Variants in UNC13C observed in about 807,000 individuals in gnomAD.
The protein encoded by UNC13C is unc-13 homolog C.
UNC13C carries 174 observed loss-of-function variants against 245.4 expected under a neutral mutation model. The observed-to-expected ratio is 0.71, with a 90% confidence interval of 0.63 to 0.80. UNC13C has a LOEUF of 0.80. Ranked by LOEUF, UNC13C falls within the 30% of genes least tolerant of loss-of-function variation. The probability of loss-of-function intolerance (pLI) is 0.00; values close to 1 mark genes in which losing one functional copy is unlikely to be tolerated. For missense variants in UNC13C, 2,829 were observed against 2,602.9 expected (o/e 1.09, Z -1.89); for synonymous variants, 992 against 895.1 (o/e 1.11, Z -1.93).
intron 19 of UNC13C, among the ~76,000 whole-genome samples, chr15:54,417,334 A>T (rs1055254365): frequency 1.1e-4 from 16 of 152,102 alleles, no homozygotes; most frequent in African/African-American, 3.4e-4. Context: ...GACCTTGGGA[A>T]CATTCCAAGA....
At chr15:54,375,280 C>T (rs947630597) in intron 17 of UNC13C, among the ~76,000 whole-genome samples, 11 of 152,190 alleles carry the variant, frequency 7.2e-5, no homozygotes, top group African/African-American at 2.4e-4. Context: ...ATCTACCTTG[C>T]AGAAAATAAA....
intron 4 of UNC13C, among the ~76,000 whole-genome samples, chr15:54,183,646 G>A (rs943942424): frequency 1.5e-4 from 22 of 151,212 alleles, no homozygotes; most frequent in Non-Finnish European, 1.3e-4. Context: ...ATGGATTATC[G>A]AAACGATTTT....
chr15:54,458,696 T>C lies in UNC13C; in HGVS notation c.4934-35912T>C, dbSNP rs1182827775. On this transcript the variant is annotated intron_variant, in intron 19 of 32. Coordinates refer to ENST00000260323, the MANE Select transcript of UNC13C (RefSeq NM_001080534.3). ...CTTTAAGGTCTTTTTTTTTTTTTTTTTTTTTTTAAGGGAATAGCTACTCCT... is the reference window on the plus strand; with the variant it reads ...CTTTAAGGTCTTTTTTTTTTTTTTTCTTTTTTTAAGGGAATAGCTACTCCT... Among the ~76,000 whole-genome samples, 844 of 146,850 alleles carry C rather than the reference T, an allele frequency of 5.7e-3. 15 individuals are homozygous for C. Among genetic ancestry groups the C allele is most frequent in the African/African-American group, 0.02 (797 of 40,018 alleles).
chr15:54,344,881 A>G (rs868470795), intron 17 of UNC13C, among the ~76,000 whole-genome samples: 3 of 152,324 alleles, frequency 2.0e-5, no homozygotes, highest in Middle Eastern at 3.4e-3. Context: ...TTGGATTACT[A>G]CATAACTTCC....
intron 30 of UNC13C, 70 bp from the exon 31 acceptor site, chr15:54,622,257 G>T: frequency 1.0e-6 from 1 of 986,200 alleles, no homozygotes; most frequent in Non-Finnish European, 1.6e-6. Context: ...TGTTTTTTAT[G>T]CATAGAATGA....
At chr15:54,462,456 G>A (rs1199151840) in intron 19 of UNC13C, among the ~76,000 whole-genome samples, 2 of 152,152 alleles carry the variant, frequency 1.3e-5, no homozygotes, top group Non-Finnish European at 2.9e-5. Flanking sequence ...GGTGTGGAGG[G>A]AGAGGTGCAG....
chr15:54,527,281 GGT>G (rs1895511536), intron 25 of UNC13C, among the ~76,000 whole-genome samples: 1 of 152,160 alleles, frequency 6.6e-6, no homozygotes, highest in Non-Finnish European at 1.5e-5. Flanking sequence ...AGCCATTTCA[GGT>G]GTGTCTCTCT....
chr15:54,069,087 A>G (rs1898202275), intron 2 of UNC13C, among the ~76,000 whole-genome samples: 1 of 152,188 alleles, frequency 6.6e-6, no homozygotes, highest in African/African-American at 2.4e-5. Flanking sequence ...GCTATCCTGA[A>G]TATCTTCAGA....
chr15:53,885,931 C>T, the UNC13C span, among the ~76,000 whole-genome samples: 1 of 152,114 alleles, frequency 6.6e-6, no homozygotes, highest in Non-Finnish European at 1.5e-5. Context: ...AATTCTGACC[C>T]TGCTATACCT....
chr15:54,513,803 AT>A (rs34409534), intron 24 of UNC13C, among the ~76,000 whole-genome samples: 72,421 of 151,748 alleles, frequency 0.48, 18,573 homozygotes, highest in African/African-American at 0.67. Flanking sequence ...TTTTCTAAAT[AT>A]TTTTTTTCAT....
At chr15:53,859,086 C>T in the UNC13C span, among the ~76,000 whole-genome samples, 15 of 151,790 alleles carry the variant, frequency 9.9e-5, no homozygotes, top group Admixed American at 2.6e-4. Context: ...GCATGTACAA[C>T]TCATAGAAGA....
intron 18 of UNC13C, among the ~76,000 whole-genome samples, chr15:54,398,215 A>G (rs1339630637): frequency 6.6e-6 from 1 of 151,454 alleles, no homozygotes; most frequent in Non-Finnish European, 1.5e-5. Flanking sequence ...GGGTAATCAC[A>G]TAATTTTGCT....
intron 25 of UNC13C, among the ~76,000 whole-genome samples, chr15:54,530,051 T>A (rs913075754): frequency 3.3e-5 from 5 of 152,164 alleles, no homozygotes; most frequent in Admixed American, 3.3e-4. Context: ...GAAATATTGC[T>A]CTTCGTGACA....
chr15:54,079,852 T>G (rs532698905), intron 2 of UNC13C, among the ~76,000 whole-genome samples: 1 of 152,186 alleles, frequency 6.6e-6, no homozygotes, highest in South Asian at 2.1e-4. Context: ...CTATGCTGAA[T>G]AGAAATGGTT....
rs560412085 is a variant in UNC13C, at chr15:54,004,167, C to G, written c.-256-8481C>G. ...CATCTTCCTTCTACCTCCCCGTTAC[C>G]CTTCCCAGCCTCCAGTAACCATCCT... On this transcript the variant is annotated intron_variant, in intron 1 of 32. Transcript: ENST00000260323. 5.5e-4 allele frequency among the ~76,000 whole-genome samples: 83 copies of G among 152,180 alleles called. 1 individual carries two copies. In the South Asian group the frequency reaches 0.016, roughly 30 times the overall value.
the UNC13C span, among the ~76,000 whole-genome samples, chr15:53,867,798 C>A: frequency 6.6e-6 from 1 of 151,990 alleles, no homozygotes; most frequent in Non-Finnish European, 1.5e-5. Flanking sequence ...TTGCTCTTGC[C>A]TTTCTTGTTC....
At chr15:53,942,657 A>T in the UNC13C span, among the ~76,000 whole-genome samples, 1 of 151,882 alleles carries the variant, frequency 6.6e-6, no homozygotes, top group Non-Finnish European at 1.5e-5. Context: ...ATTTTCCTGA[A>T]ATATTTTTCT....
chr15:54,455,206 T>TCTCC lies in UNC13C; in HGVS notation c.4934-39402_4934-39401insCTCC, dbSNP rs1491473719. 6.6e-3 allele frequency among the ~76,000 whole-genome samples: 159 copies of TCTCC among 24,020 alleles called. 13 individuals carry two copies. Among genetic ancestry groups the TCTCC allele is most frequent in the East Asian group, 0.018 (14 of 792 alleles). 15.8% of individuals were successfully genotyped at this position (24,020 alleles called of 152,430 possible). On this transcript the variant is annotated intron_variant, in intron 19 of 32. Coordinates refer to ENST00000260323, the MANE Select transcript of UNC13C (RefSeq NM_001080534.3). ...CTCTCTCTCTCTCTCTCTCTCTCTCTATATATATATATATATATATATATA... is the reference window on the plus strand; with the variant it reads ...CTCTCTCTCTCTCTCTCTCTCTCTCTCTCCATATATATATATATATATATATATA...
At chr15:54,228,042 G>T (rs968655564) in intron 4 of UNC13C, among the ~76,000 whole-genome samples, 9 of 152,180 alleles carry the variant, frequency 5.9e-5, no homozygotes, top group African/African-American at 2.2e-4. Flanking sequence ...TTCTCCTGCA[G>T]CTGAGCTGGT....
Sources: gnomAD v4.1 joint callset for allele counts (sites outside exome capture counted in the v4.1 genomes callset) on GRCh38, gnomAD v4.1.1 for gene constraint, MANE v1.5 for transcripts, NCBI Gene and HGNC (gene_info 2026-07-23, HGNC 2026-07-21) for gene names.